SEC14L5: variants seen among roughly 807,000 people sequenced by gnomAD.
The protein encoded by SEC14L5 is SEC14-like protein 5.
Under a neutral mutation model 84.6 loss-of-function variants are expected in SEC14L5, and 96 were observed. That is an observed-to-expected ratio of 1.13 (90% CI 0.96 to 1.34). The LOEUF is 1.34. SEC14L5 is among the 40% of genes most tolerant of loss of function. The pLI, the probability that SEC14L5 is intolerant of heterozygous loss-of-function variation, is 0.00. For synonymous variants in SEC14L5, 546 were observed against 383.4 expected (o/e 1.42, Z -4.95); for missense variants, 1,224 against 942.5 (o/e 1.30, Z -3.91).
At chr16:5,000,339 G>T (rs117461987) in intron 8 of SEC14L5, among the ~76,000 whole-genome samples, 2 of 152,192 alleles carry the variant, frequency 1.3e-5, no homozygotes, top group African/African-American at 4.8e-5. Flanking sequence ...GTCTCATTAT[G>T]TTGCCCAGGC....
At chr16:4,977,446 C>CAAAAAAAAAAAAAAAAAAAAAAAAAAAAA (rs762657125) in intron 2 of SEC14L5, among the ~76,000 whole-genome samples, 1 of 66,158 alleles carries the variant, frequency 1.5e-5, no homozygotes, top group Non-Finnish European at 2.5e-5. Flanking sequence ...GACTCCGTCT[C>CAAAAAAAAAAAAAAAAAAAAAAAAAAAAA]AAAAAAAAAA....
Position 5,015,653 on chromosome 16 carries a change from C to G in SEC14L5, c.*683C>G, listed in dbSNP as rs902444638. On this transcript the variant is annotated 3_prime_UTR_variant, in exon 16 of 16. Coordinates refer to ENST00000251170, the MANE Select transcript of SEC14L5 (RefSeq NM_014692.2). ...TGGGTGCCTCGAGGAGTACTGGGGTCCCCCCTAAGAAGAAGGAGGAAGGAT... is the reference window on the plus strand; with the variant it reads ...TGGGTGCCTCGAGGAGTACTGGGGTGCCCCCTAAGAAGAAGGAGGAAGGAT... The G allele has an allele frequency of 6.6e-6, 1 of 152,536 alleles. No homozygotes were observed. The highest frequency in any genetic ancestry group is 1.5e-5 in the Non-Finnish European group (1 of 68,290). The allele number at this position is 152,536 out of a possible 1,614,324, so 9.4% of individuals were successfully genotyped here. A position where few individuals can be genotyped will look rare whatever the true frequency, so the allele number is the denominator to read the frequency against.
At chr16:4,981,843 A>G (rs2908646) in intron 2 of SEC14L5, among the ~76,000 whole-genome samples, 79,005 of 151,962 alleles carry the variant, frequency 0.52, 20,770 homozygotes, top group East Asian at 0.74. Context: ...GTGGAGCTGG[A>G]CTTCTAACCA....
In SEC14L5 at chr16:5,015,267, G is replaced by A. The variant is rs187132082; in HGVS notation, c.*297G>A. On this transcript the variant is annotated 3_prime_UTR_variant, in exon 16 of 16. Transcript: ENST00000251170. The stretch of plus-strand genomic sequence containing the variant: ...CTTTGGGACATCCGGGCTTAGCGAC[G>A]TCAGCCAGGCCCATCTCCTCTCTGT... 5.3e-5 allele frequency: 19 copies of A among 356,474 alleles called. No homozygotes were observed. Among genetic ancestry groups the A allele is most frequent in the African/African-American group, 8.2e-5 (4 of 48,858 alleles). 22.1% of individuals were successfully genotyped at this position (356,474 alleles called of 1,614,324 possible).
At chr16:4,976,516 T>C (rs1955342081) in intron 2 of SEC14L5, among the ~76,000 whole-genome samples, 1 of 152,210 alleles carries the variant, frequency 6.6e-6, no homozygotes, top group Non-Finnish European at 1.5e-5. Context: ...GGAGGTTCTA[T>C]GATTATTGCA....
At chr16:4,968,297 A>C (rs750646860) in intron 2 of SEC14L5, among the ~76,000 whole-genome samples, 2 of 151,804 alleles carry the variant, frequency 1.3e-5, no homozygotes, top group Non-Finnish European at 2.9e-5. Context: ...CTTCTACCTC[A>C]GCCTCCCGAG....
chr16:4,969,340 C>G (rs1304446951), intron 2 of SEC14L5, among the ~76,000 whole-genome samples: 2 of 150,418 alleles, frequency 1.3e-5, no homozygotes, highest in Non-Finnish European at 2.9e-5. Flanking sequence ...CCTAGCACTT[C>G]TTTTTTTCTC....
Position 4,996,969 on chromosome 16 carries a change from C to T in SEC14L5, c.895C>T (p.Leu299Phe), listed in dbSNP as rs779461888. Residue 299 changes from leucine to phenylalanine, a missense_variant, in exon 8 of 16, where the codon CTC becomes TTC. Physicochemically the swap from Leu to Phe is conservative, Grantham distance 22 (BLOSUM62 0). Transcript: ENST00000251170. ...CTGGCGCAAGCAGCACCAGGTGGATCTCCTCCTTCAGACCTGGCAACCCCC... is the reference window on the plus strand; with the variant it reads ...CTGGCGCAAGCAGCACCAGGTGGATTTCCTCCTTCAGACCTGGCAACCCCC... ...LSWRKQHQVDLLLQTWQPPAL... is the reference protein window; with the variant it reads ...LSWRKQHQVDFLLQTWQPPAL... The T allele has an allele frequency of 6.2e-7, 1 of 1,613,438 alleles. No homozygotes were observed. The highest frequency in any genetic ancestry group is 1.7e-5 in the Admixed American group (1 of 59,954).
chr16:4,998,737 C>CAAAA (rs60494025), intron 8 of SEC14L5, among the ~76,000 whole-genome samples: 8 of 94,042 alleles, frequency 8.5e-5, no homozygotes, highest in African/African-American at 2.9e-4. Flanking sequence ...GACTCCGTCT[C>CAAAA]AAAAAAAAAA....
chr16:4,962,334 C>A (rs1044409745), intron 2 of SEC14L5, among the ~76,000 whole-genome samples: 1 of 152,092 alleles, frequency 6.6e-6, no homozygotes, highest in African/African-American at 2.4e-5. Flanking sequence ...TTACTCCCTT[C>A]GCTGTTGAGT....
At chr16:4,999,022 C>G (rs150794794) in intron 8 of SEC14L5, among the ~76,000 whole-genome samples, 2 of 152,178 alleles carry the variant, frequency 1.3e-5, no homozygotes, top group South Asian at 4.1e-4. Context: ...TGACGCGGCT[C>G]CTGCCTTTTT....
At chr16:4,981,682 A>G (rs116918604) in intron 2 of SEC14L5, among the ~76,000 whole-genome samples, 7,593 of 152,256 alleles carry the variant, frequency 0.05, 244 homozygotes, top group Middle Eastern at 0.082. Flanking sequence ...ACTGGGCCCA[A>G]CTGGGATTCA....
In SEC14L5 at chr16:4,996,983, C is replaced by T. The variant is rs749176090; in HGVS notation, c.909C>T (p.Thr303=). ...ACCAGGTGGATCTCCTCCTTCAGAC[C>T]TGGCAACCCCCTGCCCTGCTGGAGG... ...KQHQVDLLLQ[T]WQPPALLEEF... Residue 303 remains threonine (T), a synonymous_variant, in exon 8 of 16, where the codon ACC becomes ACT. Coordinates refer to ENST00000251170, the MANE Select transcript of SEC14L5 (RefSeq NM_014692.2). 6.2e-7 allele frequency: 1 copy of T among 1,613,544 alleles called. No individual in the cohort carries two copies. The highest frequency in any genetic ancestry group is 8.5e-7 in the Non-Finnish European group (1 of 1,179,696).
At chr16:4,984,937 C>G (rs1596625396) in intron 2 of SEC14L5, among the ~76,000 whole-genome samples, 1 of 152,104 alleles carries the variant, frequency 6.6e-6, no homozygotes, top group Admixed American at 6.5e-5. Flanking sequence ...AGATGCAAAT[C>G]CCCCATTTTC....
rs1466527485 is a variant in SEC14L5 at position 5,017,265 on chromosome 16, A to C, written c.*2295A>C. 1 of 152,184 alleles carries C rather than the reference A, an allele frequency of 6.6e-6. No individual in the cohort carries two copies. Among genetic ancestry groups the C allele is most frequent in the Non-Finnish European group, 1.5e-5 (1 of 68,076 alleles). 9.4% of individuals were successfully genotyped at this position (152,184 alleles called of 1,614,324 possible). ...TCAGGCCCTTTCAGTTCTGCTCTTG[A>C]GAGTGCTCTCTCCCTAGGGAAAACC... On this transcript the variant is annotated 3_prime_UTR_variant, in exon 16 of 16. Transcript: ENST00000251170.
At chr16:5,013,029 GGAGA>G (rs371606201) in intron 15 of SEC14L5, among the ~76,000 whole-genome samples, 3 of 151,974 alleles carry the variant, frequency 2.0e-5, no homozygotes, top group African/African-American at 7.2e-5. Flanking sequence ...CAAAGGGTCA[GGAGA>G]GAGAGAGAGC....
intron 4 of SEC14L5, among the ~76,000 whole-genome samples, chr16:4,990,549 G>A (rs1477295960): frequency 6.6e-6 from 1 of 152,164 alleles, no homozygotes; most frequent in African/African-American, 2.4e-5. Flanking sequence ...ACATTCTCCC[G>A]GCTTCTCATG....
intron 2 of SEC14L5, among the ~76,000 whole-genome samples, chr16:4,984,137 C>T (rs1267995614): frequency 3.3e-5 from 5 of 152,138 alleles, no homozygotes; most frequent in African/African-American, 7.2e-5. Flanking sequence ...CTCATTACCT[C>T]GAAAAGAAGC....
intron 7 of SEC14L5, 50 bp from the exon 8 acceptor site, chr16:4,996,805 C>T (rs778205544): frequency 1.8e-5 from 25 of 1,421,194 alleles, no homozygotes; most frequent in African/African-American, 2.9e-5. Context: ...ATTTTATCTG[C>T]TGGGTCAGGG....
Sources: gnomAD v4.1 joint callset for allele counts (sites outside exome capture counted in the v4.1 genomes callset) on GRCh38, gnomAD v4.1.1 for gene constraint, MANE v1.5 for transcripts, NCBI Gene and HGNC (gene_info 2026-07-23, HGNC 2026-07-21) for gene names.